PHLPP1: variants seen among roughly 807,000 people sequenced by gnomAD.
PHLPP1 encodes the protein PH domain leucine-rich repeat-containing protein phosphatase 1.
PHLPP1 carries 42 observed loss-of-function variants against 117.2 expected under a neutral mutation model. The ratio of observed to expected loss-of-function variants is 0.36; its 90% confidence interval spans 0.28 to 0.46. PHLPP1 has a LOEUF of 0.46. Ranked by LOEUF, PHLPP1 falls within the 20% of genes least tolerant of loss-of-function variation. PHLPP1 has a pLI of 1.00. For synonymous variants in PHLPP1, 1,042 were observed against 970.7 expected, an observed-to-expected ratio of 1.07 and a Z score of -1.37; for missense variants, 2,084 against 2,241.9, an observed-to-expected ratio of 0.93 and a Z score of 1.42.
intron 1 of PHLPP1, among the ~76,000 whole-genome samples, chr18:62,754,611 T>C (rs145308579): frequency 0.013 from 1,992 of 152,236 alleles, 19 homozygotes; most frequent in South Asian, 0.044. Context: ...ATCCACAGTA[T>C]CAAAAGTAGG....
At chr18:62,762,062 A>G (rs946903067) in intron 1 of PHLPP1, among the ~76,000 whole-genome samples, 1 of 152,098 alleles carries the variant, frequency 6.6e-6, no homozygotes, top group Non-Finnish European at 1.5e-5. Flanking sequence ...CTTAATAACA[A>G]TTAATATGGA....
At chr18:62,903,711 G>A (rs1292893453) in intron 7 of PHLPP1, among the ~76,000 whole-genome samples, 4 of 151,274 alleles carry the variant, frequency 2.6e-5, no homozygotes, top group African/African-American at 9.7e-5. Flanking sequence ...TGGAGGCTGC[G>A]GTCGTCTGAG....
chr18:62,762,544 G>A (rs1265049321), intron 1 of PHLPP1, among the ~76,000 whole-genome samples: 1 of 151,104 alleles, frequency 6.6e-6, no homozygotes. Flanking sequence ...CTCCTAAGTA[G>A]CTGGGACTAC....
intron 12 of PHLPP1, among the ~76,000 whole-genome samples, chr18:62,954,135 A>G (rs146007540): frequency 1.3e-5 from 2 of 152,284 alleles, no homozygotes; most frequent in African/African-American, 2.4e-5. Context: ...TGTGTTTGTA[A>G]TGATTTTCCT....
intron 16 of PHLPP1, among the ~76,000 whole-genome samples, chr18:62,977,063 T>C (rs1391033007): frequency 6.6e-6 from 1 of 152,180 alleles, no homozygotes; most frequent in Non-Finnish European, 1.5e-5. Flanking sequence ...AATTCCATGC[T>C]TTGGGGACAG....
rs78199305 is a variant in PHLPP1 at position 62,902,072 on chromosome 18, C to G, written c.2445-892C>G. 9.0e-3 allele frequency among the ~76,000 whole-genome samples: 1,372 copies of G among 152,220 alleles called. 30 individuals carry two copies. Among genetic ancestry groups the G allele is most frequent in the African/African-American group, 0.031 (1,305 of 41,520 alleles). On this transcript the variant is annotated intron_variant, in intron 6 of 16. Transcript: ENST00000262719. ...AATTGACATTTCCATCTATTTTTCT[C>G]CCTTTTGAAGCTAAATATGTCTTTG...
rs116155946 is a variant in PHLPP1 at position 62,953,761 on chromosome 18, C to G, written c.3325-4868C>G. ...TTATACACTAGCAGCTTTTACCTTG[C>G]AAGGGCAAGGAAATCCAGACTGTGA... On this transcript the variant is annotated intron_variant, in intron 12 of 16. Coordinates refer to ENST00000262719, the MANE Select transcript of PHLPP1 (RefSeq NM_194449.4). Among the ~76,000 whole-genome samples the G allele has an allele frequency of 4.9e-3, 748 of 152,290 alleles. 4 individuals are homozygous for G. Among genetic ancestry groups the G allele is most frequent in the African/African-American group, 0.017 (714 of 41,552 alleles).
At chr18:62,917,907 A>G (rs1909343368) in intron 9 of PHLPP1, among the ~76,000 whole-genome samples, 1 of 151,972 alleles carries the variant, frequency 6.6e-6, no homozygotes, top group Non-Finnish European at 1.5e-5. Flanking sequence ...AGTAAGGTAT[A>G]TAAAGAGTTT....
At position 62,860,624 on chromosome 18, in the gene PHLPP1, A is replaced by G. The variant is rs375891044; in HGVS notation, c.2066+23A>G. ...AAGGTAAGCCTGCAGAAATGGGTAGATCATTAGGAAGGGGTGGGGGCAGAA... is the reference window on the plus strand; with the variant it reads ...AAGGTAAGCCTGCAGAAATGGGTAGGTCATTAGGAAGGGGTGGGGGCAGAA... On this transcript the variant is annotated intron_variant, in intron 4 of 16. Coordinates refer to ENST00000262719, the MANE Select transcript of PHLPP1 (RefSeq NM_194449.4). 1.2e-5 allele frequency: 19 copies of G among 1,594,508 alleles called. No individual in the cohort carries two copies. In the African/African-American group the frequency reaches 2.4e-4, roughly 20 times the overall value.
At chr18:62,835,576 C>T (rs1433269215) in intron 2 of PHLPP1, among the ~76,000 whole-genome samples, 2 of 151,998 alleles carry the variant, frequency 1.3e-5, no homozygotes, top group Non-Finnish European at 2.9e-5. Context: ...TACCCTTGGT[C>T]AGTTTAAGTG....
chr18:62,946,045 A>G (rs1165372212), intron 12 of PHLPP1, among the ~76,000 whole-genome samples: 1 of 152,202 alleles, frequency 6.6e-6, no homozygotes, highest in East Asian at 1.9e-4. Context: ...GTAGTTTTTC[A>G]TTTGTATCTT....
At chr18:62,774,787 C>T (rs995808653) in intron 1 of PHLPP1, among the ~76,000 whole-genome samples, 1 of 151,000 alleles carries the variant, frequency 6.6e-6, no homozygotes, top group Non-Finnish European at 1.5e-5. Context: ...TTTCTGTGTA[C>T]AAACAAAACT....
intron 12 of PHLPP1, among the ~76,000 whole-genome samples, chr18:62,956,133 G>T (rs112088678): frequency 6.6e-6 from 1 of 152,172 alleles, no homozygotes; most frequent in South Asian, 2.1e-4. Context: ...GCTATTAAAG[G>T]TGGTGGTATA....
intron 1 of PHLPP1, among the ~76,000 whole-genome samples, chr18:62,767,380 C>A (rs966394340): frequency 2.0e-5 from 3 of 152,198 alleles, no homozygotes; most frequent in Non-Finnish European, 4.4e-5. Context: ...GCAATTCCTG[C>A]AACCACTTGA....
At chr18:62,738,435 A>G (rs1173343149) in intron 1 of PHLPP1, among the ~76,000 whole-genome samples, 3 of 152,238 alleles carry the variant, frequency 2.0e-5, no homozygotes, top group South Asian at 2.1e-4. Flanking sequence ...ACTATTGGAT[A>G]TTTACATAGC....
At chr18:62,780,118 G>A (rs536980272) in intron 1 of PHLPP1, among the ~76,000 whole-genome samples, 13 of 152,154 alleles carry the variant, frequency 8.5e-5, no homozygotes, top group Admixed American at 2.6e-4. Flanking sequence ...GGTTGTATGC[G>A]TATGTGGTAT....
chr18:62,959,592 C>T (rs1910708609), intron 13 of PHLPP1, among the ~76,000 whole-genome samples: 1 of 152,078 alleles, frequency 6.6e-6, no homozygotes, highest in Admixed American at 6.5e-5. Flanking sequence ...ATATCAGTAG[C>T]AGTTTTAAAC....
intron 3 of PHLPP1, among the ~76,000 whole-genome samples, chr18:62,854,253 C>T (rs1356547776): frequency 6.6e-6 from 1 of 152,216 alleles, no homozygotes; most frequent in Non-Finnish European, 1.5e-5. Flanking sequence ...AGATTTGAGG[C>T]ACTTTCTATA....
rs1239484448 is a variant in PHLPP1, at chr18:62,715,785, AGCG to A, written c.108_110del (p.Ala40del). 1.4e-6 allele frequency: 1 copy of A among 693,258 alleles called. No individual in the cohort carries two copies. Among genetic ancestry groups the A allele is most frequent in the Non-Finnish European group, 1.8e-6 (1 of 562,890 alleles). 42.9% of individuals were successfully genotyped at this position (693,258 alleles called of 1,614,324 possible). On this transcript the variant is annotated inframe_deletion, in exon 1 of 17. Coordinates refer to ENST00000262719, the MANE Select transcript of PHLPP1 (RefSeq NM_194449.4). Reference sequence around the variant, plus strand: ...CCGCCGCTGCGGCAGCAGCAGCAGCAGCGGCGGCCGCGGCGGCTCTGGCGGCGG... The same window carrying A: ...CCGCCGCTGCGGCAGCAGCAGCAGCAGCGGCCGCGGCGGCTCTGGCGGCGG...
Sources: allele counts gnomAD v4.1 joint callset (sites outside exome capture counted in the v4.1 genomes callset), GRCh38; gene constraint gnomAD v4.1.1; transcripts MANE v1.5; gene names NCBI Gene and HGNC (gene_info 2026-07-23, HGNC 2026-07-21).